Variants in TRPC4 observed in about 807,000 individuals in gnomAD.
TRPC4 encodes the protein short transient receptor potential channel 4.
Under a neutral mutation model 99.4 loss-of-function variants are expected in TRPC4, and 49 were observed. That is an observed-to-expected ratio of 0.49 (90% CI 0.39 to 0.63). TRPC4 has a LOEUF of 0.63. Ranked by LOEUF, TRPC4 falls within the 20% of genes least tolerant of loss-of-function variation. The probability of loss-of-function intolerance (pLI) is 0.00; values close to 1 mark genes in which losing one functional copy is unlikely to be tolerated. For synonymous variants in TRPC4, 454 were observed against 425.9 expected (o/e 1.07, Z -0.81); for missense variants, 898 against 1,152.9 (o/e 0.78, Z 3.20).
intron 2 of TRPC4, among the ~76,000 whole-genome samples, chr13:37,773,043 C>T (rs1448811814): frequency 1.3e-5 from 2 of 151,716 alleles, no homozygotes; most frequent in African/African-American, 4.8e-5. Flanking sequence ...TTTGTTAAAT[C>T]AGTAACTTAA....
At chr13:37,717,757 G>C (rs1351777613) in intron 3 of TRPC4, among the ~76,000 whole-genome samples, 1 of 152,036 alleles carries the variant, frequency 6.6e-6, no homozygotes, top group Admixed American at 6.6e-5. Flanking sequence ...ATAAATTTCT[G>C]TTGCTTAAGC....
chr13:37,803,251 T>C (rs1957449893), intron 1 of TRPC4, among the ~76,000 whole-genome samples: 1 of 152,084 alleles, frequency 6.6e-6, no homozygotes, highest in Non-Finnish European at 1.5e-5. Flanking sequence ...AGCAATCTTT[T>C]TTCAAGGGAG....
At chr13:37,863,341 C>T (rs1244679742) in intron 1 of TRPC4, among the ~76,000 whole-genome samples, 1 of 151,528 alleles carries the variant, frequency 6.6e-6, no homozygotes, top group Non-Finnish European at 1.5e-5. Context: ...TTATGGGTTA[C>T]TCTATACTAT....
intron 6 of TRPC4, among the ~76,000 whole-genome samples, chr13:37,662,731 T>A (rs1027643044): frequency 6.6e-6 from 1 of 152,188 alleles, no homozygotes; most frequent in Non-Finnish European, 1.5e-5. Context: ...GGGAAGGAAA[T>A]GGGACAGATA....
chr13:37,744,269 C>A (rs78939878), intron 3 of TRPC4, among the ~76,000 whole-genome samples: 1,894 of 152,262 alleles, frequency 0.012, 47 homozygotes, highest in African/African-American at 0.043. Context: ...CTAAAGCCTG[C>A]AATGACTTCT....
intron 5 of TRPC4, among the ~76,000 whole-genome samples, chr13:37,667,290 A>G (rs528343191): frequency 6.6e-6 from 1 of 152,168 alleles, no homozygotes; most frequent in African/African-American, 2.4e-5. Flanking sequence ...TATGTCCTCC[A>G]TCATCTATGT....
chr13:37,654,988 T>A, intron 7 of TRPC4, 100 bp downstream of exon 7: 1 of 972,278 alleles, frequency 1.0e-6, no homozygotes, highest in African/African-American at 1.7e-5. Flanking sequence ...AATCAATAGC[T>A]AATTATAGAT....
chr13:37,840,948 T>A (rs1477167655), intron 1 of TRPC4, among the ~76,000 whole-genome samples: 1 of 152,094 alleles, frequency 6.6e-6, no homozygotes, highest in African/African-American at 2.4e-5. Context: ...TTATTTTTGC[T>A]ATTCAAGTAA....
At chr13:37,714,406 C>T (rs1331785872) in intron 3 of TRPC4, among the ~76,000 whole-genome samples, 5 of 152,264 alleles carry the variant, frequency 3.3e-5, no homozygotes, top group Admixed American at 1.3e-4. Flanking sequence ...GGATTACAGG[C>T]GTAAGCCACT....
intron 3 of TRPC4, among the ~76,000 whole-genome samples, chr13:37,745,460 A>ATATATATATATGCGTG (rs1262423014): frequency 0.02 from 98 of 4,924 alleles, no homozygotes; most frequent in Middle Eastern, 0.083. Context: ...ATATATATAT[A>ATATATATATATGCGTG]TATATATATA....
chr13:37,756,015 A>G (rs912597681), intron 2 of TRPC4, among the ~76,000 whole-genome samples: 4 of 152,158 alleles, frequency 2.6e-5, no homozygotes, highest in Admixed American at 2.6e-4. Flanking sequence ...TATCTCTTTC[A>G]TACACAGAGA....
intron 1 of TRPC4, among the ~76,000 whole-genome samples, chr13:37,845,148 G>A (rs564611187): frequency 1.6e-4 from 25 of 152,082 alleles, no homozygotes; most frequent in Admixed American, 6.5e-4. Context: ...GTTTGGGGTC[G>A]CTACAAGCTG....
chr13:37,729,628 A>G (rs1955179563), intron 3 of TRPC4, among the ~76,000 whole-genome samples: 1 of 152,124 alleles, frequency 6.6e-6, no homozygotes, highest in African/African-American at 2.4e-5. Context: ...TGTGGTAAAT[A>G]CATACAATGG....
At chr13:37,706,733 G>C (rs1456066802) in intron 3 of TRPC4, among the ~76,000 whole-genome samples, 3 of 151,772 alleles carry the variant, frequency 2.0e-5, no homozygotes, top group African/African-American at 7.3e-5. Context: ...GCGGTGTTTG[G>C]TTTGTTTGTT....
rs1005035751 is a variant in TRPC4 at position 37,707,229 on chromosome 13, A to G, written c.898-14894T>C. On this transcript the variant is annotated intron_variant, in intron 3 of 10. Transcript: ENST00000379705. ...TCACTACTCATATAAAATTTGAAAC[A>G]TTGCAAAAGTAGATTCAAAGTTTTA... Among the ~76,000 whole-genome samples the G allele has an allele frequency of 2.6e-5, 4 of 152,326 alleles. No homozygotes were observed. The East Asian group carries it at 5.8e-4, about 22-fold the overall frequency.
At chr13:37,800,986 C>T (rs1341051844) in intron 1 of TRPC4, among the ~76,000 whole-genome samples, 1 of 151,806 alleles carries the variant, frequency 6.6e-6, no homozygotes, top group Non-Finnish European at 1.5e-5. Flanking sequence ...GTAATAAATA[C>T]TAACAAATCA....
chr13:37,720,740 C>T (rs1051301259), intron 3 of TRPC4, among the ~76,000 whole-genome samples: 18 of 152,044 alleles, frequency 1.2e-4, no homozygotes, highest in African/African-American at 4.3e-4. Flanking sequence ...CATTTGAACA[C>T]CTATTTCCTA....
chr13:37,676,405 A>C (rs1389538678), intron 4 of TRPC4, among the ~76,000 whole-genome samples: 1 of 149,004 alleles, frequency 6.7e-6, no homozygotes, highest in African/African-American at 2.5e-5. Flanking sequence ...TTGGAGTCTC[A>C]CTTTGTTGCC....
At chr13:37,671,662 C>G (rs1952848589) in intron 5 of TRPC4, among the ~76,000 whole-genome samples, 1 of 151,674 alleles carries the variant, frequency 6.6e-6, no homozygotes, top group African/African-American at 2.4e-5. Context: ...CTCATGCCAA[C>G]AGCATAAGGT....
Sources: gnomAD v4.1 joint callset for allele counts (sites outside exome capture counted in the v4.1 genomes callset) on GRCh38, gnomAD v4.1.1 for gene constraint, MANE v1.5 for transcripts, NCBI Gene and HGNC (gene_info 2026-07-23, HGNC 2026-07-21) for gene names.